The following MGRN1 variants were observed in gnomAD, a reference collection of about 807,000 sequenced individuals.
MGRN1 encodes the protein mahogunin ring finger 1, also known as E3 ubiquitin-protein ligase MGRN1.
MGRN1 carries 29 observed loss-of-function variants against 69.2 expected under a neutral mutation model. The ratio of observed to expected loss-of-function variants is 0.42; its 90% CI spans 0.31 to 0.57. MGRN1 has a LOEUF of 0.57. Among genes scored for constraint, MGRN1 ranks in the 20% least tolerant of loss-of-function variants. MGRN1 has a pLI of 0.15. For missense variants in MGRN1, 998 were observed against 796.2 expected, an observed-to-expected ratio of 1.25 and a Z score of -3.05; for synonymous variants, 470 against 344.2, an observed-to-expected ratio of 1.37 and a Z score of -4.04.
At position 4,689,852 on chromosome 16, in the gene MGRN1, G is replaced by A. The variant is rs527995287; in HGVS notation, c.*944G>A. On this transcript the variant is annotated 3_prime_UTR_variant, in exon 17 of 17. Coordinates refer to ENST00000262370, the MANE Select transcript of MGRN1 (RefSeq NM_015246.4). ...TCAATCTCGGGTCACTGCAACCTCC[G>A]CCTCCCGGGTTCAAGTGATCGTCCT... is the stretch of plus-strand genomic sequence containing the variant. 5 of 150,826 alleles carry A rather than the reference G, an allele frequency of 3.3e-5. No individual in the cohort carries two copies. The highest frequency in any genetic ancestry group is 6.6e-5 in the Admixed American group (1 of 15,078). 9.3% of individuals were successfully genotyped at this position (150,826 alleles called of 1,614,324 possible).
Position 4,682,771 on chromosome 16 carries a change from C to T in MGRN1, c.1359-52C>T, listed in dbSNP as rs1420832743. 4 of 1,466,840 alleles carry T rather than the reference C, an allele frequency of 2.7e-6. No homozygotes were observed. In the African/African-American group the frequency reaches 5.7e-5, roughly 21 times the overall value. 90.9% of individuals were successfully genotyped at this position (1,466,840 alleles called of 1,614,324 possible). A position where few individuals can be genotyped will look rare whatever the true frequency, so the allele number is the denominator to read the frequency against. ...CCCTGCATGGCTTTGGCAGGGTTAG[C>T]CTTCCTTGTCGTTATCCTCTCACCC... On this transcript the variant is annotated intron_variant, in intron 13 of 16. Transcript: ENST00000262370.
chr16:4,676,564 G>T (rs2079057742), intron 10 of MGRN1, among the ~76,000 whole-genome samples: 1 of 152,230 alleles, frequency 6.6e-6, no homozygotes, highest in South Asian at 2.1e-4. Flanking sequence ...CCCGAGGGCA[G>T]AGACTGCTGT....
In MGRN1 at chr16:4,652,757, G is replaced by T. The variant is rs376391281; in HGVS notation, c.376G>T (p.Ala126Ser). 1 of 1,612,298 alleles carries T rather than the reference G, an allele frequency of 6.2e-7. No homozygotes were observed. Among genetic ancestry groups the T allele is most frequent in the Non-Finnish European group, 8.5e-7 (1 of 1,179,318 alleles). Residue 126 changes from alanine to serine, a missense_variant, in exon 4 of 17, where the codon GCC becomes TCC. Physicochemically the swap from Ala to Ser is moderately conservative, Grantham distance 99. Coordinates refer to ENST00000262370, the MANE Select transcript of MGRN1 (RefSeq NM_015246.4). ...CTACAGCCTGGAGTTCACCTTCGACGCCGATGCCCGCGTGGCCATCACCAT... is the reference window on the plus strand; with the variant it reads ...CTACAGCCTGGAGTTCACCTTCGACTCCGATGCCCGCGTGGCCATCACCAT... ...VLYSLEFTFD[A>S]DARVAITIYC...
intron 1 of MGRN1, among the ~76,000 whole-genome samples, chr16:4,635,723 C>A (rs1898250375): frequency 6.6e-6 from 1 of 151,846 alleles, no homozygotes; most frequent in South Asian, 2.1e-4. Context: ...CAACCTCCAC[C>A]TCCCAGGTTT....
chr16:4,677,644 G>T (rs970534236), intron 11 of MGRN1, 72 bp downstream of exon 11: 2 of 1,426,514 alleles, frequency 1.4e-6, no homozygotes, highest in African/African-American at 2.8e-5. Context: ...GCAAGGCCCA[G>T]ACGGTCCAGC....
chr16:4,667,544 G>A (rs967692418), intron 7 of MGRN1, among the ~76,000 whole-genome samples: 2 of 152,362 alleles, frequency 1.3e-5, no homozygotes, highest in East Asian at 3.9e-4. Flanking sequence ...TGTGCTTGAA[G>A]TACAGAACCC....
At chr16:4,678,407 A>G (rs1381097700) in intron 11 of MGRN1, among the ~76,000 whole-genome samples, 3 of 152,096 alleles carry the variant, frequency 2.0e-5, no homozygotes, top group Admixed American at 6.5e-5. Context: ...AGGCAGAGAC[A>G]AATGTGGAGA....
At chr16:4,636,053 C>T (rs1168232721) in intron 1 of MGRN1, among the ~76,000 whole-genome samples, 2 of 151,890 alleles carry the variant, frequency 1.3e-5, no homozygotes, top group Non-Finnish European at 2.9e-5. Flanking sequence ...CCACCTGCCT[C>T]GGCCTCTGCA....
Position 4,689,009 on chromosome 16 carries a change from C to T in MGRN1, c.*101C>T, listed in dbSNP as rs1392176744. The stretch of plus-strand genomic sequence containing the variant: ...GAGCCGGCCTCCTGTCTGCATGCCC[C>T]CTGTGGCCACCAGGCTCCGAGGGGC... On this transcript the variant is annotated 3_prime_UTR_variant, in exon 17 of 17. Coordinates refer to ENST00000262370, the MANE Select transcript of MGRN1 (RefSeq NM_015246.4). 5 of 1,414,480 alleles carry T rather than the reference C, an allele frequency of 3.5e-6. No individual in the cohort carries two copies. The South Asian group carries it at 4.3e-5, about 12-fold the overall frequency. The allele number at this position is 1,414,480 out of a possible 1,614,324, so 87.6% of individuals were successfully genotyped here.
intron 1 of MGRN1, among the ~76,000 whole-genome samples, chr16:4,638,212 A>G (rs2078074500): frequency 6.6e-6 from 1 of 152,070 alleles, no homozygotes; most frequent in Non-Finnish European, 1.5e-5. Flanking sequence ...GCTCCCTGTA[A>G]TCCCAGCACT....
At chr16:4,686,349 T>G (rs1293505900) in intron 16 of MGRN1, 2 of 1,536,348 alleles carry the variant, frequency 1.3e-6, no homozygotes, top group Admixed American at 4.0e-5. Context: ...ACGCGCGTCC[T>G]TGGAGAGAGG....
At chr16:4,627,932 T>G (rs1379184682) in intron 1 of MGRN1, among the ~76,000 whole-genome samples, 6 of 147,446 alleles carry the variant, frequency 4.1e-5, no homozygotes, top group African/African-American at 1.5e-4. Context: ...TACAAAAAAT[T>G]AGCTGGGTGT....
At chr16:4,683,538 G>A (rs1036033868) in intron 15 of MGRN1, among the ~76,000 whole-genome samples, 15 of 144,576 alleles carry the variant, frequency 1.0e-4, no homozygotes, top group African/African-American at 3.1e-4. Flanking sequence ...AAACATGAGC[G>A]TGTAATGTTT....
rs1184825208 is a variant in MGRN1, at chr16:4,657,286, C to A, written c.484C>A (p.His162Asn). 6.2e-7 allele frequency: 1 copy of A among 1,614,182 alleles called. No homozygotes were observed. Among genetic ancestry groups the A allele is most frequent in the Admixed American group, 1.7e-5 (1 of 60,026 alleles). Residue 162 changes from histidine (H) to asparagine (N), a missense_variant, in exon 5 of 17, where the codon CAC becomes AAC. Coordinates refer to ENST00000262370, the MANE Select transcript of MGRN1 (RefSeq NM_015246.4). Reference protein sequence around the residue: ...KSPSLQSETVHYKRGVSQQFS... With the variant: ...KSPSLQSETVNYKRGVSQQFS... ...CCCCTCGCTACAGTCCGAGACCGTC[C>A]ACTACAAGAGAGGGGTGAGCCAGCA...
intron 4 of MGRN1, among the ~76,000 whole-genome samples, chr16:4,653,067 T>G (rs2078444772): frequency 6.6e-6 from 1 of 152,202 alleles, no homozygotes; most frequent in African/African-American, 2.4e-5. Context: ...ATGCAACCCC[T>G]GCACTTTGAG....
intron 1 of MGRN1, among the ~76,000 whole-genome samples, chr16:4,643,613 C>A (rs1381546690): frequency 6.6e-6 from 1 of 151,988 alleles, no homozygotes; most frequent in Non-Finnish European, 1.5e-5. Context: ...ACCTCGTGAT[C>A]CACCTGCCTT....
intron 16 of MGRN1, chr16:4,687,898 CT>C: frequency 1.0e-6 from 1 of 985,556 alleles, no homozygotes; most frequent in Non-Finnish European, 1.2e-6. Context: ...CTGTTGACCC[CT>C]GTCCTGAGCC....
chr16:4,656,719 AAAAAT>A (rs1489925512), intron 4 of MGRN1, among the ~76,000 whole-genome samples: 21 of 152,068 alleles, frequency 1.4e-4, no homozygotes, highest in African/African-American at 4.6e-4. Flanking sequence ...CATCTGTACT[AAAAAT>A]AAAATATTAG....
At chr16:4,667,749 G>A (rs1474872462) in intron 7 of MGRN1, among the ~76,000 whole-genome samples, 1 of 152,186 alleles carries the variant, frequency 6.6e-6, no homozygotes, top group Non-Finnish European at 1.5e-5. Flanking sequence ...CCTGGATACC[G>A]CCGGGTGTGC....
Sources: allele counts gnomAD v4.1 joint callset (sites outside exome capture counted in the v4.1 genomes callset), GRCh38; gene constraint gnomAD v4.1.1; transcripts MANE v1.5; gene names NCBI Gene and HGNC (gene_info 2026-07-23, HGNC 2026-07-21).